GSN: variants seen among roughly 807,000 people sequenced by gnomAD.
GSN encodes actin-depolymerizing factor.
In GSN, 56 loss-of-function variants were observed where a neutral mutation model predicts 85.7. The observed-to-expected ratio is 0.65, with a 90% CI of 0.53 to 0.82. GSN has a LOEUF of 0.82. GSN is among the 40% of genes least tolerant of loss of function. The pLI, the probability that GSN is intolerant of heterozygous loss-of-function variation, is 0.00. For synonymous variants in GSN, 373 were observed against 399.1 expected (o/e 0.93, Z 0.78); for missense variants, 857 against 979.8 (o/e 0.87, Z 1.67).
In GSN at chr9:121,321,280, G is replaced by T; in HGVS notation, c.1204G>T (p.Glu402Ter). The change falls in exon 11 of 18, where the codon GAA becomes TAA. Residue 402 changes from glutamate (E) to a stop codon, truncating the protein, a stop_gained. Transcript: ENST00000432226. LOFTEE classifies it high-confidence loss of function. ...TTTGCTCCTGCAGATCTGGAGAATC[G>T]AAGGTTCCAACAAGGTGCCCGTGGA... ...GTGQKQIWRIEGSNKVPVDPA... is the reference protein window; with the variant it reads ...GTGQKQIWRI 6.2e-7 allele frequency: 1 copy of T among 1,614,082 alleles called. No homozygotes were observed. The highest frequency in any genetic ancestry group is 8.5e-7 in the Non-Finnish European group (1 of 1,179,986).
intron 13 of GSN, 103 bp downstream of exon 13, chr9:121,326,785 A>G: frequency 9.5e-7 from 1 of 1,049,926 alleles, no homozygotes; most frequent in Non-Finnish European, 1.5e-6. Flanking sequence ...GGGATGGTGA[A>G]TGACGGGGTA....
intron 4 of GSN, among the ~76,000 whole-genome samples, chr9:121,304,474 C>A (rs757747050): frequency 6.6e-6 from 1 of 152,216 alleles, no homozygotes; most frequent in African/African-American, 2.4e-5. Flanking sequence ...AGAAATGGAA[C>A]GAACACTTGC....
chr9:121,282,454 G>C, intron 2 of GSN: 1 of 1,304,026 alleles, frequency 7.7e-7, no homozygotes, highest in South Asian at 3.1e-5. Flanking sequence ...GGGGATGAAT[G>C]AATACAGGAC....
chr9:121,233,780 A>C (rs1160636939), intron 5 of GSN, among the ~76,000 whole-genome samples: 1 of 152,186 alleles, frequency 6.6e-6, no homozygotes, highest in Non-Finnish European at 1.5e-5. Context: ...TATAGCTAGC[A>C]AGGCCTAGAG....
intron 4 of GSN, chr9:121,210,947 G>T (rs1403712437): frequency 6.6e-6 from 1 of 152,192 alleles, no homozygotes; most frequent in Non-Finnish European, 1.5e-5. Context: ...GACAAAATGT[G>T]ATACATGCCA....
intron 6 of GSN, among the ~76,000 whole-genome samples, chr9:121,258,304 A>C (rs1311187548): frequency 6.6e-6 from 1 of 152,138 alleles, no homozygotes; most frequent in Admixed American, 6.5e-5. Flanking sequence ...CTCTACTAAA[A>C]ATACAAATAT....
At chr9:121,212,138 C>T (rs753965969) in intron 4 of GSN, among the ~76,000 whole-genome samples, 3 of 152,166 alleles carry the variant, frequency 2.0e-5, no homozygotes, top group Non-Finnish European at 4.4e-5. Context: ...TGCCTTTTAA[C>T]TGAGCCCTCA....
At chr9:121,280,680 A>C (rs562217030) in intron 1 of GSN, 2 of 152,318 alleles carry the variant, frequency 1.3e-5, no homozygotes, top group Admixed American at 1.3e-4. Context: ...CCTTGTGCAA[A>C]ACCCTGAACA....
At chr9:121,257,843 C>T (rs1169170344) in intron 6 of GSN, among the ~76,000 whole-genome samples, 2 of 151,996 alleles carry the variant, frequency 1.3e-5, no homozygotes, top group African/African-American at 4.8e-5. Context: ...TGCACTCCAG[C>T]CTGGGTAACA....
intron 4 of GSN, among the ~76,000 whole-genome samples, chr9:121,305,477 G>A (rs1327852422): frequency 6.6e-6 from 1 of 152,212 alleles, no homozygotes; most frequent in Non-Finnish European, 1.5e-5. Context: ...AAGGCACAGA[G>A]ATGTTAAGCA....
intron 4 of GSN, among the ~76,000 whole-genome samples, chr9:121,307,922 C>T (rs942036456): frequency 3.3e-5 from 5 of 152,250 alleles, no homozygotes; most frequent in African/African-American, 1.2e-4. Context: ...GCCTGGCTCT[C>T]CAATCCCAGG....
chr9:121,295,885 G>T (rs1431855126), intron 2 of GSN, among the ~76,000 whole-genome samples: 1 of 152,244 alleles, frequency 6.6e-6, no homozygotes. Context: ...GGTAGCAGAA[G>T]GGCTGCCTCC....
At position 121,332,784 on chromosome 9, in the gene GSN, A is replaced by T; in HGVS notation, c.*181A>T. 2 of 592,944 alleles carry T rather than the reference A, an allele frequency of 3.4e-6. No homozygotes were observed. Among genetic ancestry groups the T allele is most frequent in the South Asian group, 4.2e-5 (2 of 47,780 alleles). The allele number at this position is 592,944 out of a possible 1,614,324, so 36.7% of individuals were successfully genotyped here. On this transcript the variant is annotated 3_prime_UTR_variant, in exon 18 of 18. Transcript: ENST00000432226. This position sits in a 1 kb window ranked among gnomAD's most constrained non-coding sequence, Gnocchi z 4.8. ...CTGCAAAAATTCAGAGTCCTTGCAAAATTGTCTAAAATGTCAGTGTTTGGG... is the reference window on the plus strand; with the variant it reads ...CTGCAAAAATTCAGAGTCCTTGCAATATTGTCTAAAATGTCAGTGTTTGGG...
At chr9:121,250,462 C>T (rs2054798790) in intron 6 of GSN, among the ~76,000 whole-genome samples, 1 of 151,774 alleles carries the variant, frequency 6.6e-6, no homozygotes, top group African/African-American at 2.4e-5. Context: ...CCTTGGCCTC[C>T]CAAATTCTGA....
At chr9:121,257,382 A>G (rs889388202) in intron 6 of GSN, among the ~76,000 whole-genome samples, 2 of 152,242 alleles carry the variant, frequency 1.3e-5, no homozygotes, top group Non-Finnish European at 2.9e-5. Context: ...GCAAATGAGA[A>G]AATCGGGAAT....
chr9:121,239,643 C>T (rs954256657), intron 5 of GSN: 51 of 282,888 alleles, frequency 1.8e-4, no homozygotes, highest in African/African-American at 7.9e-4. Context: ...GTAGATTTGA[C>T]GTTGAGGATT....
chr9:121,317,293 C>T, intron 8 of GSN, 75 bp downstream of exon 8: 1 of 1,499,532 alleles, frequency 6.7e-7, no homozygotes, highest in Non-Finnish European at 9.3e-7. Context: ...CCCAGGAACT[C>T]AGCTCCCGGG....
intron 7 of GSN, among the ~76,000 whole-genome samples, chr9:121,315,655 T>C (rs1304388205): frequency 6.6e-6 from 1 of 151,936 alleles, no homozygotes; most frequent in Non-Finnish European, 1.5e-5. Context: ...ATCCTAGCTC[T>C]CCTCCTAAGG....
intron 7 of GSN, among the ~76,000 whole-genome samples, chr9:121,315,787 A>G (rs920808196): frequency 4.5e-4 from 68 of 152,258 alleles, no homozygotes; most frequent in African/African-American, 1.5e-3. Flanking sequence ...AAATAAAATA[A>G]AAAAAGAAAA....
Sources: gnomAD v4.1 joint callset for allele counts (sites outside exome capture counted in the v4.1 genomes callset) on GRCh38, gnomAD v4.1.1 for gene constraint, Gnocchi (gnomAD v3.1) non-coding constraint, MANE v1.5 for transcripts, NCBI Gene and HGNC (gene_info 2026-07-23, HGNC 2026-07-21) for gene names.